Variants in ARMH3 observed in about 807,000 individuals in gnomAD.
ARMH3 encodes armadillo-like helical domain-containing protein 3.
ARMH3 carries 60 observed loss-of-function variants against 99.1 expected under a neutral mutation model. That is an observed-to-expected ratio of 0.61 (90% confidence interval 0.49 to 0.75). The LOEUF (loss-of-function observed/expected upper bound fraction) is 0.75, where lower values mean the gene tolerates loss of function less well. ARMH3 is among the 30% of genes least tolerant of loss of function. The probability of loss-of-function intolerance (pLI) is 0.00; values close to 1 mark genes in which losing one functional copy is unlikely to be tolerated. For synonymous variants in ARMH3, 285 were observed against 292.8 expected (o/e 0.97, Z 0.27); for missense variants, 679 against 843.1 (o/e 0.81, Z 2.41).
At chr10:102,022,130 T>C (rs1038453098) in intron 8 of ARMH3, among the ~76,000 whole-genome samples, 4 of 152,076 alleles carry the variant, frequency 2.6e-5, no homozygotes, top group East Asian at 1.9e-4. Flanking sequence ...GGCTATACCA[T>C]CTAAATTTGT....
At chr10:101,851,835 G>A (rs1240165025) in intron 24 of ARMH3, among the ~76,000 whole-genome samples, 1 of 152,206 alleles carries the variant, frequency 6.6e-6, no homozygotes, top group East Asian at 1.9e-4. Context: ...CCCACAGACT[G>A]TAGTATAGGC....
rs374940312 is a variant in ARMH3, at chr10:101,998,832, TA to T, written c.1150+3138del. 9.2e-5 allele frequency among the ~76,000 whole-genome samples: 14 copies of T among 152,304 alleles called. No individual in the cohort carries two copies. The South Asian group carries it at 2.9e-3, about 32-fold the overall frequency. ...GTATACTTAATGCCTAAGGGAAACT[TA>T]AACCACCTACAAGGCATTAATCTCT... On this transcript the variant is annotated intron_variant, in intron 15 of 25. Transcript: ENST00000370033.
intron 20 of ARMH3, among the ~76,000 whole-genome samples, chr10:101,971,293 T>C (rs1845762010): frequency 6.6e-6 from 1 of 151,736 alleles, no homozygotes; most frequent in Non-Finnish European, 1.5e-5. Flanking sequence ...AAAGAAAAAA[T>C]ACTGGCCGGG....
At chr10:101,860,765 G>C (rs1182211832) in intron 24 of ARMH3, among the ~76,000 whole-genome samples, 1 of 152,108 alleles carries the variant, frequency 6.6e-6, no homozygotes, top group African/African-American at 2.4e-5. Flanking sequence ...TGAATACCTA[G>C]GGCATTCAAA....
intron 23 of ARMH3, among the ~76,000 whole-genome samples, chr10:101,909,899 T>C (rs1842796964): frequency 6.6e-6 from 1 of 152,202 alleles, no homozygotes; most frequent in Non-Finnish European, 1.5e-5. Context: ...ATTGATTATA[T>C]GTTAGAAGAA....
chr10:101,975,756 C>A (rs979132661), intron 19 of ARMH3, among the ~76,000 whole-genome samples: 1 of 151,742 alleles, frequency 6.6e-6, no homozygotes, highest in Non-Finnish European at 1.5e-5. Flanking sequence ...CCCAGCTACT[C>A]GGTTGAGGCA....
chr10:101,909,463 C>CTTTTTTTTTTTTTTTTTTTTTTTTTTTTT (rs61122631), intron 23 of ARMH3, among the ~76,000 whole-genome samples: 1 of 71,714 alleles, frequency 1.4e-5, no homozygotes, highest in Non-Finnish European at 2.4e-5. Flanking sequence ...CAAGCTTCCT[C>CTTTTTTTTTTTTTTTTTTTTTTTTTTTTT]TTTTTTTTTT....
intron 20 of ARMH3, among the ~76,000 whole-genome samples, chr10:101,969,231 T>C (rs1005878515): frequency 6.6e-6 from 1 of 152,160 alleles, no homozygotes; most frequent in Admixed American, 6.5e-5. Flanking sequence ...GGAAGCTGGG[T>C]GAAGGGTACA....
intron 20 of ARMH3, among the ~76,000 whole-genome samples, chr10:101,970,628 C>T (rs561497325): frequency 6.6e-6 from 1 of 152,154 alleles, no homozygotes; most frequent in African/African-American, 2.4e-5. Context: ...TCAAGACCAG[C>T]CTGGGCAACA....
intron 22 of ARMH3, among the ~76,000 whole-genome samples, chr10:101,944,292 A>AGAGAGAGC (rs1844408888): frequency 2.4e-5 from 2 of 83,932 alleles, no homozygotes; most frequent in Non-Finnish European, 4.7e-5. Context: ...AGAGAGAGAG[A>AGAGAGAGC]GAGAGAGAGA....
intron 8 of ARMH3, among the ~76,000 whole-genome samples, chr10:102,017,048 C>A (rs1247802237): frequency 6.6e-6 from 1 of 152,220 alleles, no homozygotes; most frequent in Admixed American, 6.5e-5. Context: ...CCCAACCTCT[C>A]TGTGCCTCGG....
chr10:102,038,750 T>C (rs917924279), intron 2 of ARMH3, among the ~76,000 whole-genome samples: 1 of 151,928 alleles, frequency 6.6e-6, no homozygotes, highest in African/African-American at 2.4e-5. Flanking sequence ...TTTTTTTTTT[T>C]CTTTTTTTTG....
chr10:102,049,053 A>G (rs962240270), intron 1 of ARMH3, among the ~76,000 whole-genome samples: 4 of 151,868 alleles, frequency 2.6e-5, no homozygotes, highest in African/African-American at 9.7e-5. Flanking sequence ...TTCTTTTCTA[A>G]AAGCCCCAGG....
chr10:101,989,588 G>A (rs1424083869), intron 19 of ARMH3, among the ~76,000 whole-genome samples: 1 of 152,134 alleles, frequency 6.6e-6, no homozygotes, highest in Non-Finnish European at 1.5e-5. Flanking sequence ...GGGCATGGTG[G>A]TGTGCACCTG....
At chr10:102,014,071 A>G in intron 8 of ARMH3, 47 bp from the exon 9 acceptor site, 1 of 1,451,022 alleles carries the variant, frequency 6.9e-7, no homozygotes, top group South Asian at 1.2e-5. Context: ...CCTAGTTAAG[A>G]AAGCCCGTTA....
intron 20 of ARMH3, among the ~76,000 whole-genome samples, chr10:101,966,733 GA>G (rs1845561100): frequency 6.6e-6 from 1 of 152,024 alleles, no homozygotes; most frequent in Non-Finnish European, 1.5e-5. Flanking sequence ...CAGGAGGAGG[GA>G]AAAAAGGTAG....
chr10:101,998,733 T>C (rs1035819628), intron 15 of ARMH3, among the ~76,000 whole-genome samples: 19 of 152,172 alleles, frequency 1.2e-4, no homozygotes, highest in African/African-American at 3.9e-4. Flanking sequence ...GCCTTTCAGC[T>C]CCATTCTTAG....
chr10:101,948,933 G>A (rs184222893), intron 22 of ARMH3, among the ~76,000 whole-genome samples: 1 of 152,102 alleles, frequency 6.6e-6, no homozygotes, highest in East Asian at 1.9e-4. Flanking sequence ...ATTACTAACA[G>A]AAGAATATCT....
intron 24 of ARMH3, among the ~76,000 whole-genome samples, chr10:101,887,601 T>C (rs1234326220): frequency 1.4e-5 from 2 of 141,036 alleles, no homozygotes; most frequent in African/African-American, 5.3e-5. Context: ...TCTTTTTTTT[T>C]TTTTTTTTTT....
Sources: allele counts gnomAD v4.1 joint callset (sites outside exome capture counted in the v4.1 genomes callset), GRCh38; gene constraint gnomAD v4.1.1; transcripts MANE v1.5; gene names NCBI Gene and HGNC (gene_info 2026-07-23, HGNC 2026-07-21).